LAMC2: variants seen among roughly 807,000 people sequenced by gnomAD.
LAMC2 encodes laminin subunit gamma-2.
A neutral mutation model predicts 140.2 loss-of-function variants in LAMC2; 97 were observed. The observed-to-expected ratio is 0.69, with a 90% CI of 0.59 to 0.82. The LOEUF (loss-of-function observed/expected upper bound fraction) is 0.82. Ranked by LOEUF, LAMC2 falls within the 40% of genes least tolerant of loss-of-function variation. LAMC2 has a pLI of 0.00. For missense variants in LAMC2, 1,402 were observed against 1,476.1 expected (o/e 0.95, Z 0.82); for synonymous variants, 513 against 540.2 (o/e 0.95, Z 0.70).
chr1:183,214,774 G>C (rs188914738), intron 2 of LAMC2, among the ~76,000 whole-genome samples: 25 of 152,258 alleles, frequency 1.6e-4, no homozygotes, highest in Non-Finnish European at 3.1e-4. Flanking sequence ...CAGGTGGTGA[G>C]ACCTGGCAGC....
chr1:183,205,353 C>T (rs1223683362), intron 1 of LAMC2, among the ~76,000 whole-genome samples: 1 of 152,168 alleles, frequency 6.6e-6, no homozygotes, highest in Non-Finnish European at 1.5e-5. Flanking sequence ...TCCAAAAAAT[C>T]AGTTTCACAA....
At chr1:183,218,222 C>G (rs1191108080) in intron 3 of LAMC2, among the ~76,000 whole-genome samples, 168 bp from the exon 4 acceptor site, 3 of 152,180 alleles carry the variant, frequency 2.0e-5, no homozygotes, top group Non-Finnish European at 4.4e-5. Flanking sequence ...GCAAGTGAGT[C>G]CTTAAGTGTG....
chr1:183,229,030 A>C (rs1659721083), intron 11 of LAMC2, among the ~76,000 whole-genome samples: 1 of 152,146 alleles, frequency 6.6e-6, no homozygotes, highest in Admixed American at 6.5e-5. Flanking sequence ...GGGCTGTAAA[A>C]TAGTTTAAGA....
the LAMC2 span, among the ~76,000 whole-genome samples, chr1:183,256,899 G>A: frequency 6.6e-6 from 1 of 151,844 alleles, no homozygotes; most frequent in East Asian, 1.9e-4. Flanking sequence ...TTACAGTCAC[G>A]TGCCACCATG....
At position 183,227,701 on chromosome 1, in the gene LAMC2, A is replaced by G. The variant is rs1163305566; in HGVS notation, c.1468+4A>G. ...AACTGCCCTCCCGGGGTCACCGGTA[A>G]GGCCATGGGTCTGCTCTGCCACCTG... On this transcript the variant is annotated splice_donor_region_variant and intron_variant, in intron 10 of 22. Transcript: ENST00000264144. 1.2e-6 allele frequency: 2 copies of G among 1,613,910 alleles called. No individual in the cohort carries two copies. Among genetic ancestry groups the G allele is most frequent in the Admixed American group, 3.3e-5 (2 of 60,020 alleles).
intron 14 of LAMC2, among the ~76,000 whole-genome samples, chr1:183,234,157 G>T (rs866458538): frequency 2.6e-5 from 4 of 152,278 alleles, no homozygotes; most frequent in Middle Eastern, 6.8e-3. Context: ...AAAGTGCTGG[G>T]ATTACAGGCA....
intron 19 of LAMC2, 52 bp downstream of exon 19, chr1:183,238,473 A>G (rs1660033973): frequency 2.5e-6 from 3 of 1,178,718 alleles, no homozygotes; most frequent in Non-Finnish European, 3.8e-6. Flanking sequence ...TATAGTCATG[A>G]CCAATTTCCT....
At chr1:183,229,125 C>A (rs1435650499) in intron 11 of LAMC2, among the ~76,000 whole-genome samples, 2 of 152,190 alleles carry the variant, frequency 1.3e-5, no homozygotes, top group Admixed American at 6.5e-5. Context: ...AAAGCAGCAG[C>A]TATAGTGGAG....
chr1:183,189,444 A>C (rs10911272), intron 1 of LAMC2, among the ~76,000 whole-genome samples: 13,448 of 152,244 alleles, frequency 0.088, 1,693 homozygotes, highest in African/African-American at 0.29. Flanking sequence ...AGGCAGGAGG[A>C]TCACTTGAGC....
rs1558092703 is a variant in LAMC2, at chr1:183,226,962, A to AAG, written c.1285+55_1285+56dup. Reference sequence around the variant, plus strand: ...ACCAGGTGGCTGGGGTGTCATGTGGAAGAGAGAGAGCTGTGTAAGAAAGAC... The same window carrying AAG: ...ACCAGGTGGCTGGGGTGTCATGTGGAAGAGAGAGAGAGCTGTGTAAGAAAGAC... On this transcript the variant is annotated intron_variant, in intron 9 of 22. Transcript: ENST00000264144. The AAG allele has an allele frequency of 1.4e-6, 2 of 1,441,406 alleles. 1 individual carries two copies. The highest frequency in any genetic ancestry group is 2.3e-5 in the South Asian group (2 of 86,046). 89.3% of individuals were successfully genotyped at this position (1,441,406 alleles called of 1,614,324 possible).
chr1:183,223,602 A>G (rs1193707873), intron 7 of LAMC2, among the ~76,000 whole-genome samples: 2 of 152,164 alleles, frequency 1.3e-5, no homozygotes, highest in Non-Finnish European at 2.9e-5. Context: ...CACATAAAGG[A>G]GGCATGACTG....
At chr1:183,218,102 T>C (rs1659334052) in intron 3 of LAMC2, among the ~76,000 whole-genome samples, 2 of 152,318 alleles carry the variant, frequency 1.3e-5, no homozygotes, top group South Asian at 4.1e-4. Flanking sequence ...AACAGTTGAG[T>C]GATGAACTTG....
At chr1:183,250,934 A>G in the LAMC2 span, 1 of 152,474 alleles carries the variant, frequency 6.6e-6, no homozygotes, top group African/African-American at 2.4e-5. Context: ...AGCTGGTACT[A>G]GATTTTGATA....
chr1:183,238,362 C>T lies in LAMC2; in HGVS notation c.2810C>T (p.Ala937Val), dbSNP rs756265437. The part of the protein sequence containing the change: ...ANLAKSRAQE[A>V]LSMGNATFYE... ...CTTGCTAAAAGCAGAGCACAAGAAG[C>T]ACTGAGTATGGGCAATGCCACTTTT... The change falls in exon 19 of 23, where the codon GCA becomes GTA. Residue 937 changes from alanine (A) to valine (V), a missense_variant. Around this residue, in one of 3 missense-constraint regions of LAMC2, gnomAD observed 670 missense variants for 667.2 expected, o/e 1.00. Coordinates refer to ENST00000264144, the MANE Select transcript of LAMC2 (RefSeq NM_005562.3). 7 of 1,614,072 alleles carry T rather than the reference C, an allele frequency of 4.3e-6. No homozygotes were observed. The South Asian group carries it at 5.5e-5, about 13-fold the overall frequency.
chr1:183,189,694 G>A (rs1280486061), intron 1 of LAMC2, among the ~76,000 whole-genome samples: 1 of 152,196 alleles, frequency 6.6e-6, no homozygotes, highest in African/African-American at 2.4e-5. Flanking sequence ...CAGGAGGAAT[G>A]AGCACTGAGG....
the LAMC2 span, among the ~76,000 whole-genome samples, chr1:183,257,983 G>T: frequency 6.6e-6 from 1 of 152,050 alleles, no homozygotes; most frequent in Non-Finnish European, 1.5e-5. Flanking sequence ...AGCAATTATT[G>T]TTAGAAGCTT....
intron 1 of LAMC2, among the ~76,000 whole-genome samples, chr1:183,192,316 A>T (rs1330156540): frequency 1.3e-5 from 2 of 152,244 alleles, no homozygotes; most frequent in Non-Finnish European, 2.9e-5. Context: ...AAAGAATCAA[A>T]TTGCAGCCAA....
intron 4 of LAMC2, among the ~76,000 whole-genome samples, chr1:183,219,624 C>T (rs1414585976): frequency 2.6e-5 from 4 of 152,256 alleles, no homozygotes; most frequent in Non-Finnish European, 5.9e-5. Flanking sequence ...CCTCCCCACT[C>T]CTCCCCTCCC....
intron 14 of LAMC2, among the ~76,000 whole-genome samples, chr1:183,233,257 T>G (rs1468546692): frequency 6.7e-6 from 1 of 149,288 alleles, no homozygotes; most frequent in Non-Finnish European, 1.5e-5. Flanking sequence ...AATGAATGAA[T>G]GAATGAAAAA....
Sources: gnomAD v4.1 joint callset for allele counts (sites outside exome capture counted in the v4.1 genomes callset) on GRCh38, gnomAD v4.1.1 for gene constraint, gnomAD v4.1.1 regional missense constraint, MANE v1.5 for transcripts, NCBI Gene and HGNC (gene_info 2026-07-23, HGNC 2026-07-21) for gene names.